Variants in TPRG1 observed in about 807,000 individuals in gnomAD.
TPRG1 encodes the protein tumor protein p63-regulated gene 1 protein.
In TPRG1, 29 loss-of-function variants were observed where a neutral mutation model predicts 29.3. That is an observed-to-expected ratio of 0.99 (90% CI 0.74 to 1.35). The LOEUF (loss-of-function observed/expected upper bound fraction) is 1.35. Ranked by LOEUF, TPRG1 falls within the 40% of genes most tolerant of loss-of-function variation. The pLI is 0.00. For missense variants in TPRG1, 327 were observed against 335.0 expected (o/e 0.98, Z 0.19); for synonymous variants, 130 against 116.8 (o/e 1.11, Z -0.73).
At chr3:189,049,690 C>T (rs1440939472) in intron 4 of TPRG1, among the ~76,000 whole-genome samples, 3 of 152,158 alleles carry the variant, frequency 2.0e-5, no homozygotes, top group Non-Finnish European at 4.4e-5. Flanking sequence ...CAAGGCTAAC[C>T]AGCACAAAAA....
At chr3:189,301,204 C>A (rs1720774452) in intron 4 of TPRG1, among the ~76,000 whole-genome samples, 1 of 143,154 alleles carries the variant, frequency 7.0e-6, no homozygotes, top group Non-Finnish European at 1.5e-5. Context: ...GAGGCTGAGG[C>A]AGGAGAATCA....
upstream of TPRG1, among the ~76,000 whole-genome samples, chr3:189,097,488 A>G (rs1053899680): frequency 2.0e-5 from 3 of 152,204 alleles, no homozygotes; most frequent in Non-Finnish European, 2.9e-5. Context: ...TTTTCTTGAG[A>G]CAACTATTAT....
intron 4 of TPRG1, among the ~76,000 whole-genome samples, chr3:189,068,211 T>A (rs1716578224): frequency 6.6e-6 from 1 of 152,142 alleles, no homozygotes; most frequent in South Asian, 2.1e-4. Context: ...ACACATTTGA[T>A]AGAAATGTAA....
chr3:189,038,553 C>T (rs947792104), intron 4 of TPRG1, among the ~76,000 whole-genome samples: 3 of 151,534 alleles, frequency 2.0e-5, no homozygotes, highest in Non-Finnish European at 4.4e-5. Flanking sequence ...TTGGCAACTT[C>T]GGGGTGGGGA....
intron 4 of TPRG1, among the ~76,000 whole-genome samples, chr3:189,068,028 C>T (rs886722977): frequency 6.6e-6 from 1 of 152,050 alleles, no homozygotes; most frequent in African/African-American, 2.4e-5. Context: ...AGACTTTTCT[C>T]AAATGAAGAC....
upstream of TPRG1, chr3:189,099,998 AG>A: frequency 6.6e-6 from 1 of 152,358 alleles, no homozygotes; most frequent in African/African-American, 2.4e-5. Flanking sequence ...CCTGGGCAGG[AG>A]GATGAGGCTT....
intron 5 of TPRG1, among the ~76,000 whole-genome samples, chr3:189,164,352 G>T (rs573032369): frequency 5.8e-4 from 88 of 152,094 alleles, no homozygotes; most frequent in African/African-American, 2.0e-3. Context: ...TGTAGAGACG[G>T]GGTTTCACCA....
chr3:189,206,047 T>TTCCTTCCTTC (rs1216401377), intron 1 of TPRG1, among the ~76,000 whole-genome samples: 13 of 53,708 alleles, frequency 2.4e-4, no homozygotes, highest in Admixed American at 1.5e-3. Context: ...TTCCTTCCTT[T>TTCCTTCCTTC]CTTCTGTCTT....
chr3:189,276,807 A>C (rs1173657450), intron 4 of TPRG1, among the ~76,000 whole-genome samples: 4 of 152,182 alleles, frequency 2.6e-5, no homozygotes, highest in Non-Finnish European at 5.9e-5. Context: ...CCCCTTAAGC[A>C]AGCTGCTTCC....
At chr3:189,190,075 A>G (rs1731476459) in intron 1 of TPRG1, among the ~76,000 whole-genome samples, 1 of 152,214 alleles carries the variant, frequency 6.6e-6, no homozygotes, top group Non-Finnish European at 1.5e-5. Context: ...GCACTATACA[A>G]TGTCACCAAT....
At chr3:189,057,866 G>A (rs911051045) in intron 4 of TPRG1, among the ~76,000 whole-genome samples, 24 of 110,560 alleles carry the variant, frequency 2.2e-4, no homozygotes, top group African/African-American at 5.8e-4. Flanking sequence ...ACACACATAC[G>A]TATGTGTGTA....
intron 1 of TPRG1, among the ~76,000 whole-genome samples, chr3:189,193,799 C>T (rs938353619): frequency 2.3e-4 from 35 of 150,644 alleles, no homozygotes; most frequent in African/African-American, 7.8e-4. Flanking sequence ...TCATTCATAC[C>T]ATGAGTTGGT....
intron 2 of TPRG1, among the ~76,000 whole-genome samples, chr3:189,130,303 G>T (rs143590613): frequency 6.6e-6 from 1 of 152,286 alleles, no homozygotes; most frequent in East Asian, 1.9e-4. Flanking sequence ...TAGGATCCAT[G>T]ATTCCTTTCT....
At chr3:189,085,045 A>G (rs1717841043) in intron 4 of TPRG1, among the ~76,000 whole-genome samples, 2 of 152,236 alleles carry the variant, frequency 1.3e-5, no homozygotes, top group African/African-American at 4.8e-5. Context: ...CCTCTAAGAA[A>G]AATATGATTG....
intron 3 of TPRG1, among the ~76,000 whole-genome samples, chr3:189,237,287 G>GCA (rs1280926395): frequency 6.6e-6 from 1 of 151,640 alleles, no homozygotes; most frequent in Non-Finnish European, 1.5e-5. Context: ...ACACACACAT[G>GCA]CACACACACG....
At chr3:189,285,756 C>T (rs1027998958) in intron 4 of TPRG1, among the ~76,000 whole-genome samples, 2 of 152,174 alleles carry the variant, frequency 1.3e-5, no homozygotes, top group African/African-American at 2.4e-5. Context: ...GGTCCTACAA[C>T]TCGAATTGTC....
intron 1 of TPRG1, among the ~76,000 whole-genome samples, chr3:189,190,225 C>T (rs1560531278): frequency 6.6e-6 from 1 of 152,160 alleles, no homozygotes; most frequent in Admixed American, 6.6e-5. Flanking sequence ...ACAAATAGGA[C>T]ATATTATATA....
chr3:189,176,496 A>C (rs1729506373), intron 1 of TPRG1, among the ~76,000 whole-genome samples: 1 of 152,268 alleles, frequency 6.6e-6, no homozygotes, highest in Non-Finnish European at 1.5e-5. Context: ...TTATATTTAT[A>C]GTGATACAGA....
Position 189,191,005 on chromosome 3 carries a change from T to G in TPRG1, c.-9-16371T>G, listed in dbSNP as rs919084995. The G allele has an allele frequency of 7.1e-6, 7 of 985,168 alleles. No individual in the cohort carries two copies. In the African/African-American group the frequency reaches 1.2e-4, roughly 17 times the overall value. 61.0% of individuals were successfully genotyped at this position (985,168 alleles called of 1,614,324 possible). Reference sequence around the variant, plus strand: ...ATCACAGGTAGGTCTTTTAATTTTCTCAGGACATTTACTGTCTATTCTGGC... The same window carrying G: ...ATCACAGGTAGGTCTTTTAATTTTCGCAGGACATTTACTGTCTATTCTGGC... On this transcript the variant is annotated intron_variant, in intron 1 of 5. Coordinates refer to ENST00000345063, the MANE Select transcript of TPRG1 (RefSeq NM_198485.4).
Sources: gnomAD v4.1 joint callset for allele counts (sites outside exome capture counted in the v4.1 genomes callset) on GRCh38, gnomAD v4.1.1 for gene constraint, MANE v1.5 for transcripts, NCBI Gene and HGNC (gene_info 2026-07-23, HGNC 2026-07-21) for gene names.